The following EDNRB variants were observed in gnomAD, a reference collection of about 807,000 sequenced individuals.
The protein encoded by EDNRB is endothelin receptor type B, also known as Hirschsprung disease 2.
A neutral mutation model predicts 46.4 loss-of-function variants in EDNRB; 18 were observed. The ratio of observed to expected loss-of-function variants is 0.39; its 90% CI spans 0.27 to 0.57. The LOEUF (loss-of-function observed/expected upper bound fraction) is 0.57, where lower values mean the gene tolerates loss of function less well. EDNRB is among the 20% of genes least tolerant of loss of function. The pLI is 0.61. For missense variants in EDNRB, 434 were observed against 537.5 expected, an observed-to-expected ratio of 0.81 and a Z score of 1.90; for synonymous variants, 213 against 204.9, an observed-to-expected ratio of 1.04 and a Z score of -0.34.
rs1249403516 is a variant in EDNRB at position 77,896,304 on chromosome 13, A to G, written c.*1896T>C. ...AAATATATTAATAAACTGTGAAAATATTAGTGATTCAAAATTAATTTAAAA... is the reference window on the plus strand; with the variant it reads ...AAATATATTAATAAACTGTGAAAATGTTAGTGATTCAAAATTAATTTAAAA... On this transcript the variant is annotated 3_prime_UTR_variant, in exon 7 of 7. Coordinates refer to ENST00000646607, the MANE Select transcript of EDNRB (RefSeq NM_001122659.3). The G allele has an allele frequency of 2.6e-6, 2 of 756,506 alleles. No homozygotes were observed. The highest frequency in any genetic ancestry group is 3.8e-6 in the Non-Finnish European group (2 of 525,430). The allele number at this position is 756,506 out of a possible 1,614,324, so 46.9% of individuals were successfully genotyped here.
chr13:77,914,790 T>C (rs969832027), intron 1 of EDNRB, among the ~76,000 whole-genome samples: 1 of 152,174 alleles, frequency 6.6e-6, no homozygotes, highest in African/African-American at 2.4e-5. Flanking sequence ...CCAGATAAAG[T>C]CCCACCAATT....
chr13:77,902,243 T>C (rs1177283491), intron 3 of EDNRB, among the ~76,000 whole-genome samples: 1 of 151,988 alleles, frequency 6.6e-6, no homozygotes, highest in Non-Finnish European at 1.5e-5. Context: ...CTCTGACAAC[T>C]ACTGGGCTAT....
intron 1 of EDNRB, among the ~76,000 whole-genome samples, chr13:77,965,794 G>T (rs1881564022): frequency 6.6e-6 from 1 of 152,064 alleles, no homozygotes; most frequent in African/African-American, 2.4e-5. Flanking sequence ...ATTGAAAAGG[G>T]GTTCTTAAAA....
intron 1 of EDNRB, among the ~76,000 whole-genome samples, chr13:77,944,486 T>G (rs1472301890): frequency 1.3e-5 from 2 of 152,094 alleles, no homozygotes; most frequent in Non-Finnish European, 2.9e-5. Context: ...TAACCATGTA[T>G]AGGCATCATG....
At chr13:77,944,591 C>T (rs1404222729) in intron 1 of EDNRB, among the ~76,000 whole-genome samples, 1 of 151,926 alleles carries the variant, frequency 6.6e-6, no homozygotes, top group Non-Finnish European at 1.5e-5. Flanking sequence ...ATAGTAAATG[C>T]ATAATAGAGG....
intron 1 of EDNRB, among the ~76,000 whole-genome samples, chr13:77,917,310 T>C (rs572431079): frequency 6.6e-6 from 1 of 152,288 alleles, no homozygotes; most frequent in African/African-American, 2.4e-5. Flanking sequence ...AAGTAACACA[T>C]CTCACCCAGT....
At chr13:77,952,869 C>T (rs1881132225) in intron 1 of EDNRB, among the ~76,000 whole-genome samples, 1 of 152,114 alleles carries the variant, frequency 6.6e-6, no homozygotes, top group Non-Finnish European at 1.5e-5. Context: ...CCCAGGCAAA[C>T]TGCATTCCTT....
At chr13:77,900,733 A>G in intron 4 of EDNRB, 79 bp from the exon 5 acceptor site, 1 of 1,587,720 alleles carries the variant, frequency 6.3e-7, no homozygotes, top group Non-Finnish European at 8.6e-7. Context: ...ACGACATTTA[A>G]TATTGTCTAC....
chr13:77,955,685 C>A (rs1214237493), intron 1 of EDNRB, among the ~76,000 whole-genome samples: 1 of 152,110 alleles, frequency 6.6e-6, no homozygotes, highest in Non-Finnish European at 1.5e-5. Flanking sequence ...CATTCTTTTG[C>A]TTGTAAATAA....
At chr13:77,909,828 A>C (rs991187151) in intron 1 of EDNRB, among the ~76,000 whole-genome samples, 2 of 152,002 alleles carry the variant, frequency 1.3e-5, no homozygotes, top group Non-Finnish European at 2.9e-5. Flanking sequence ...TATTCTTTAG[A>C]TAATTGACAT....
At chr13:77,905,404 C>A (rs906287051) in intron 1 of EDNRB, among the ~76,000 whole-genome samples, 5 of 151,862 alleles carry the variant, frequency 3.3e-5, no homozygotes, top group African/African-American at 1.2e-4. Context: ...CAAAATACAT[C>A]TGTGAGCCAT....
intron 1 of EDNRB, among the ~76,000 whole-genome samples, chr13:77,935,801 A>G (rs1401628475): frequency 6.6e-6 from 1 of 152,164 alleles, no homozygotes; most frequent in East Asian, 1.9e-4. Flanking sequence ...ATAGTAAAGA[A>G]AGCATGTTAG....
At chr13:77,913,206 T>C (rs1294362780) in intron 1 of EDNRB, among the ~76,000 whole-genome samples, 2 of 152,176 alleles carry the variant, frequency 1.3e-5, no homozygotes, top group Admixed American at 1.3e-4. Flanking sequence ...CGAAACTCAT[T>C]TGTGGGTTCA....
At chr13:77,901,339 C>T in intron 3 of EDNRB, 132 bp from the exon 4 acceptor site, 1 of 931,318 alleles carries the variant, frequency 1.1e-6, no homozygotes, top group Non-Finnish European at 1.6e-6. Flanking sequence ...ATATATCATA[C>T]AGAATCTTTC....
rs992850260 is a variant in EDNRB, at chr13:77,933,037, A to C, written c.-51-14413T>G. 7.2e-5 allele frequency among the ~76,000 whole-genome samples: 11 copies of C among 152,374 alleles called. No individual in the cohort carries two copies. The South Asian group carries it at 8.3e-4, about 11-fold the overall frequency. On this transcript the variant is annotated intron_variant, in intron 1 of 7. Coordinates refer to the EDNRB transcript ENST00000646948. ...CCCTCGTGCTGTGTTATATATGTTT[A>C]AGATATGTTGATGACATGGGCTATT...
intron 1 of EDNRB, among the ~76,000 whole-genome samples, chr13:77,908,043 A>AAAAAAAAAGAG (rs4052535): frequency 4.1e-5 from 3 of 72,490 alleles, no homozygotes; most frequent in African/African-American, 6.0e-5. Context: ...AAAAAAAAAA[A>AAAAAAAAAGAG]AGAGAGAGAG....
In EDNRB at chr13:77,896,814, A is replaced by G. The variant is rs1878654151; in HGVS notation, c.*1386T>C. The G allele has an allele frequency of 1.7e-6, 2 of 1,195,456 alleles. No homozygotes were observed. Among genetic ancestry groups the G allele is most frequent in the Non-Finnish European group, 2.1e-6 (2 of 962,938 alleles). The allele number at this position is 1,195,456 out of a possible 1,614,324, so 74.1% of individuals were successfully genotyped here. A position where few individuals can be genotyped will look rare whatever the true frequency, so the allele number is the denominator to read the frequency against. On this transcript the variant is annotated 3_prime_UTR_variant, in exon 7 of 7. Transcript: ENST00000646607. ...TTTTCTCTTGTACATACTTTCACACACATCTCATCCCAAGCTATCCTAAGG... is the reference window on the plus strand; with the variant it reads ...TTTTCTCTTGTACATACTTTCACACGCATCTCATCCCAAGCTATCCTAAGG...
chr13:77,957,511 G>A (rs573994650), intron 1 of EDNRB, among the ~76,000 whole-genome samples: 19 of 152,260 alleles, frequency 1.2e-4, no homozygotes, highest in African/African-American at 4.1e-4. Flanking sequence ...ATAAGCAAAA[G>A]CATCACTTAA....
At chr13:77,973,504 TCTTTAA>T (rs1357769351) in intron 1 of EDNRB, among the ~76,000 whole-genome samples, 12 of 152,234 alleles carry the variant, frequency 7.9e-5, no homozygotes, top group African/African-American at 2.9e-4. Context: ...GGATGATACC[TCTTTAA>T]CTTTAGCCGA....
Sources: gnomAD v4.1 joint callset for allele counts (sites outside exome capture counted in the v4.1 genomes callset) on GRCh38, gnomAD v4.1.1 for gene constraint, MANE v1.5 for transcripts, NCBI Gene and HGNC (gene_info 2026-07-23, HGNC 2026-07-21) for gene names.